The following IFT140 variants were observed in gnomAD, a reference collection of about 807,000 sequenced individuals.
IFT140 encodes the protein intraflagellar transport protein 140 homolog.
A neutral mutation model predicts 164.6 loss-of-function variants in IFT140; 133 were observed. The observed-to-expected ratio is 0.81, with a 90% CI of 0.70 to 0.93. The LOEUF (loss-of-function observed/expected upper bound fraction) is 0.93. IFT140 is among the 40% of genes least tolerant of loss of function. The pLI is 0.00. For missense variants in IFT140, 2,045 were observed against 1,972.3 expected (o/e 1.04, Z -0.70); for synonymous variants, 860 against 817.3 (o/e 1.05, Z -0.89).
chr16:1,586,410 C>T, intron 9 of IFT140, 135 bp from the exon 10 acceptor site: 1 of 828,978 alleles, frequency 1.2e-6, no homozygotes, highest in Non-Finnish European at 1.8e-6. Flanking sequence ...TCATCCCTGG[C>T]TGCATCTTTC....
chr16:1,594,816 C>T (rs946318687), intron 4 of IFT140, among the ~76,000 whole-genome samples: 18 of 152,218 alleles, frequency 1.2e-4, no homozygotes, highest in African/African-American at 7.2e-5. Context: ...TCCGCTCAGA[C>T]GCCAAGCACT....
intron 3 of IFT140, 116 bp downstream of exon 3, chr16:1,607,004 A>G (rs2036105817): frequency 2.2e-6 from 2 of 925,876 alleles, no homozygotes; most frequent in East Asian, 2.5e-5. Context: ...ATGCATGTAT[A>G]CACACACACA....
At chr16:1,526,998 T>C in intron 19 of IFT140, 1 of 568,848 alleles carries the variant, frequency 1.8e-6, no homozygotes, top group South Asian at 2.6e-5. Flanking sequence ...ACGGCCTTCC[T>C]AACCCCAAGA....
rs769420945 is a variant in IFT140, at chr16:1,524,861, C to A, written c.2920G>T (p.Ala974Ser). ...YLESQGEMDAALHYYELARDH... is the reference protein window; with the variant it reads ...YLESQGEMDASLHYYELARDH... ...CGGGCCAGCTCGTAGTAGTGCAGCG[C>A]GGCGTCCATCTCGCCCTGGCTCTCC... is the stretch of plus-strand genomic sequence containing the variant. The change falls in exon 23 of 31, where the codon GCG becomes TCG. Residue 974 changes from alanine (A) to serine (S), a missense_variant. Ala to Ser is a moderately conservative substitution (Grantham distance 99). Coordinates refer to ENST00000426508, the MANE Select transcript of IFT140 (RefSeq NM_014714.4). 1 of 1,612,966 alleles carries A rather than the reference C, an allele frequency of 6.2e-7. No individual in the cohort carries two copies. The highest frequency in any genetic ancestry group is 1.7e-5 in the Admixed American group (1 of 60,018).
At chr16:1,581,535 G>A (rs114623241) in intron 12 of IFT140, among the ~76,000 whole-genome samples, 12,183 of 151,492 alleles carry the variant, frequency 0.08, 576 homozygotes, top group African/African-American at 0.13. Flanking sequence ...AGGAGATGGA[G>A]GCTGCAGTGA....
chr16:1,523,202 G>T lies in IFT140; in HGVS notation c.3453+316C>A, dbSNP rs1187294297. ...CCACCACAGTCCAGCCTGGGCAACA[G>T]AGCGAGACCCTGTCTCAAAAAAAAA... On this transcript the variant is annotated intron_variant, in intron 26 of 30. Coordinates refer to ENST00000426508, the MANE Select transcript of IFT140 (RefSeq NM_014714.4). Among the ~76,000 whole-genome samples the T allele has an allele frequency of 5.4e-5, 8 of 147,620 alleles. No homozygotes were observed. The East Asian group carries it at 1.6e-3, about 29-fold the overall frequency.
intron 4 of IFT140, among the ~76,000 whole-genome samples, chr16:1,600,330 T>TC (rs1802403849): frequency 7.1e-6 from 1 of 140,328 alleles, no homozygotes; most frequent in South Asian, 2.5e-4. Context: ...GGCCGCAGGG[T>TC]CCTCTGCCTA....
Position 1,520,330 on chromosome 16 carries a change from A to G in IFT140, c.3674T>C (p.Leu1225Pro), listed in dbSNP as rs1567323331. 1 of 1,614,146 alleles carries G rather than the reference A, an allele frequency of 6.2e-7. No individual in the cohort carries two copies. The highest frequency in any genetic ancestry group is 8.5e-7 in the Non-Finnish European group (1 of 1,180,036). ...AGNKLKAMRA[L>P]LKSGDTEKIT... is the part of the protein sequence containing the mutation. The stretch of plus-strand genomic sequence containing the variant: ...TTTCTCCGTGTCTCCGGATTTGAGC[A>G]GCGCCCTCATGGCCTAGGCAGAGAG... The change falls in exon 28 of 31, where the codon CTG becomes CCG. Residue 1225 changes from leucine (L) to proline (P), a missense_variant. By Grantham distance (98) the Leu-to-Pro change is moderately conservative (BLOSUM62 -3). Coordinates refer to ENST00000426508, the MANE Select transcript of IFT140 (RefSeq NM_014714.4).
At chr16:1,575,967 C>T (rs1175815285) in intron 13 of IFT140, among the ~76,000 whole-genome samples, 1 of 152,202 alleles carries the variant, frequency 6.6e-6, no homozygotes, top group Non-Finnish European at 1.5e-5. Flanking sequence ...CAAGGGCCCA[C>T]TTACATGAAC....
intron 30 of IFT140, among the ~76,000 whole-genome samples, chr16:1,511,919 A>G (rs2040171817): frequency 6.6e-6 from 1 of 151,726 alleles, no homozygotes; most frequent in African/African-American, 2.4e-5. Flanking sequence ...GGCAGAATTC[A>G]GAGAAGGGCT....
At chr16:1,569,092 C>T (rs1186478439) in intron 14 of IFT140, among the ~76,000 whole-genome samples, 1 of 151,578 alleles carries the variant, frequency 6.6e-6, no homozygotes, top group African/African-American at 2.4e-5. Flanking sequence ...GCAAGCTCCG[C>T]CTCCCGGGTT....
At chr16:1,598,833 C>G (rs1195604429) in intron 4 of IFT140, among the ~76,000 whole-genome samples, 1 of 151,326 alleles carries the variant, frequency 6.6e-6, no homozygotes. Context: ...GCCCGGCCGC[C>G]ACCCCGTCTG....
At chr16:1,557,739 G>C (rs2141462092) in intron 19 of IFT140, 196 bp downstream of exon 19, 1 of 605,098 alleles carries the variant, frequency 1.7e-6, no homozygotes, top group South Asian at 2.0e-5. Flanking sequence ...CCCAGCACCA[G>C]AGAGGCTGAG....
At chr16:1,583,836 C>T (rs1479394920) in intron 11 of IFT140, among the ~76,000 whole-genome samples, 2 of 152,132 alleles carry the variant, frequency 1.3e-5, no homozygotes, top group East Asian at 3.9e-4. Context: ...CCTCCACCTC[C>T]TGGGTTCAAG....
At chr16:1,542,143 G>C (rs773528024) in intron 19 of IFT140, 7 of 1,455,058 alleles carry the variant, frequency 4.8e-6, no homozygotes, top group South Asian at 2.8e-5. Context: ...CCACAGGAGG[G>C]TCCTGAGGCC....
intron 19 of IFT140, among the ~76,000 whole-genome samples, chr16:1,556,055 G>A (rs953325837): frequency 3.3e-5 from 5 of 152,188 alleles, no homozygotes; most frequent in South Asian, 2.1e-4. Context: ...GCAGTGAGCC[G>A]AGATTGTGCC....
Position 1,553,566 on chromosome 16 carries a change from T to C in IFT140, c.2399+4369A>G. On this transcript the variant is annotated intron_variant, in intron 19 of 30. Transcript: ENST00000426508. The surrounding 1 kb of genome is among the most constrained non-coding windows in gnomAD (Gnocchi z 4.4). Reference sequence around the variant, plus strand: ...ACAAGAGGGGCTGGAGAGTTTAATCTGGACCAGTGTAAGTTACAGAGAGTC... The same window carrying C: ...ACAAGAGGGGCTGGAGAGTTTAATCCGGACCAGTGTAAGTTACAGAGAGTC... 1 of 1,009,330 alleles carries C rather than the reference T, an allele frequency of 9.9e-7. No homozygotes were observed. The highest frequency in any genetic ancestry group is 1.2e-6 in the Non-Finnish European group (1 of 843,266). The allele number at this position is 1,009,330 out of a possible 1,614,324, so 62.5% of individuals were successfully genotyped here. A position where few individuals can be genotyped will look rare whatever the true frequency, so the allele number is the denominator to read the frequency against.
At chr16:1,545,971 C>T (rs1485969657) in intron 19 of IFT140, among the ~76,000 whole-genome samples, 2 of 152,252 alleles carry the variant, frequency 1.3e-5, no homozygotes, top group African/African-American at 2.4e-5. Context: ...GGCTTGGCTG[C>T]CGCTGCCCTT....
At chr16:1,559,786 G>A (rs2033303203) in intron 18 of IFT140, among the ~76,000 whole-genome samples, 1 of 152,220 alleles carries the variant, frequency 6.6e-6, no homozygotes, top group African/African-American at 2.4e-5. Flanking sequence ...AAGGTAAGCA[G>A]AAAGTATCGG....
Sources: gnomAD v4.1 joint callset for allele counts (sites outside exome capture counted in the v4.1 genomes callset) on GRCh38, gnomAD v4.1.1 for gene constraint, Gnocchi (gnomAD v3.1) non-coding constraint, MANE v1.5 for transcripts, NCBI Gene and HGNC (gene_info 2026-07-23, HGNC 2026-07-21) for gene names.